The following TIPARP variants were observed in gnomAD, a reference collection of about 807,000 sequenced individuals.
TIPARP encodes TCDD inducible poly(ADP-ribose) polymerase.
In TIPARP, 12 loss-of-function variants were observed where a neutral mutation model predicts 56.5. The ratio of observed to expected loss-of-function variants is 0.21; its 90% CI spans 0.14 to 0.34. The LOEUF is 0.34. Among genes scored for constraint, TIPARP ranks in the 10% least tolerant of loss-of-function variants. The pLI, the probability that TIPARP is intolerant of heterozygous loss-of-function variation, is 1.00. For missense variants in TIPARP, 604 were observed against 781.6 expected (o/e 0.77, Z 2.71); for synonymous variants, 296 against 265.7 (o/e 1.11, Z -1.11).
At chr3:156,698,273 A>C (rs1168501793) in intron 4 of TIPARP, among the ~76,000 whole-genome samples, 3 of 152,242 alleles carry the variant, frequency 2.0e-5, no homozygotes, top group Non-Finnish European at 2.9e-5. Context: ...AGCTGTAGCA[A>C]GTTATCCAGA....
intron 3 of TIPARP, 25 bp from the exon 4 acceptor site, chr3:156,695,840 T>TTTTTTTTTTTTTTTTTTTC: frequency 1.5e-6 from 2 of 1,368,806 alleles, no homozygotes; most frequent in Non-Finnish European, 9.5e-7. Context: ...TTTTTTTTTT[T>TTTTTTTTTTTTTTTTTTTC]TTTGTTCTGT....
At chr3:156,693,117 A>G (rs1348033495) in intron 2 of TIPARP, among the ~76,000 whole-genome samples, 1 of 152,174 alleles carries the variant, frequency 6.6e-6, no homozygotes, top group Admixed American at 6.5e-5. Flanking sequence ...GTTATCATAT[A>G]TTTAATTTTT....
At chr3:156,687,151 GA>G (rs1272306974) in intron 2 of TIPARP, among the ~76,000 whole-genome samples, 7 of 152,136 alleles carry the variant, frequency 4.6e-5, no homozygotes, top group Non-Finnish European at 7.4e-5. Flanking sequence ...TGTTCTTACA[GA>G]AATTAAGTTT....
At chr3:156,691,741 ATAATT>A (rs1722581571) in intron 2 of TIPARP, among the ~76,000 whole-genome samples, 5 of 152,202 alleles carry the variant, frequency 3.3e-5, no homozygotes, top group Admixed American at 3.3e-4. Context: ...TTACAAAAAG[ATAATT>A]TAATGTTTTT....
chr3:156,697,404 A>T (rs1722741412), intron 4 of TIPARP, among the ~76,000 whole-genome samples: 1 of 142,000 alleles, frequency 7.0e-6, no homozygotes, highest in Non-Finnish European at 1.5e-5. Context: ...CATGATAAGT[A>T]ATTATGGAAT....
rs181295377 is a variant in TIPARP, at chr3:156,705,056, C to G, written c.1899C>G (p.Val633=). The G allele has an allele frequency of 5.6e-6, 9 of 1,613,962 alleles. No individual in the cohort carries two copies. In the East Asian group the frequency reaches 2.0e-4, roughly 36 times the overall value. The part of the protein sequence containing the change: ...VDNFFEPQIF[V]IFNDDQSYPY... ...ATTTCTTTGAGCCTCAGATTTTTGT[C>G]ATTTTTAATGATGACCAGAGTTACC... The change falls in exon 6 of 6, where the codon GTC becomes GTG. Residue 633 remains valine, a synonymous_variant. Transcript: ENST00000295924.
intron 2 of TIPARP, among the ~76,000 whole-genome samples, chr3:156,684,034 T>A (rs1467760826): frequency 6.6e-6 from 1 of 152,240 alleles, no homozygotes; most frequent in Non-Finnish European, 1.5e-5. Flanking sequence ...GAGTTGCAAT[T>A]GTCTTTTTGT....
Position 156,688,481 on chromosome 3 carries a change from CG to C in TIPARP, c.918-5538del, listed in dbSNP as rs1288099087. Among the ~76,000 whole-genome samples the C allele has an allele frequency of 3.4e-3, 316 of 91,662 alleles. 3 individuals are homozygous for C. The highest frequency in any genetic ancestry group is 0.011 in the Middle Eastern group (2 of 182). 60.1% of individuals were successfully genotyped at this position (91,662 alleles called of 152,430 possible). On this transcript the variant is annotated intron_variant, in intron 2 of 5. Transcript: ENST00000295924. ...AGCATTTATGAATAAGTTTTATTGC[CG>C]CCCCCCCCCGCAATAAGTAGCCCTG...
chr3:156,687,690 G>C (rs1009276984), intron 2 of TIPARP, among the ~76,000 whole-genome samples: 2 of 152,122 alleles, frequency 1.3e-5, no homozygotes, highest in Non-Finnish European at 2.9e-5. Flanking sequence ...CAATTAAAAA[G>C]CTTAAAAACA....
At chr3:156,676,729 G>A (rs987913897) in intron 1 of TIPARP, 6 of 152,100 alleles carry the variant, frequency 3.9e-5, no homozygotes, top group African/African-American at 1.2e-4. Flanking sequence ...TTTTCAAGGG[G>A]TCTGATTCTT....
rs1215852877 is a variant in TIPARP at position 156,677,985 on chromosome 3, C to T, written c.288C>T (p.Ile96=). 1.9e-6 allele frequency: 3 copies of T among 1,613,968 alleles called. No individual in the cohort carries two copies. The highest frequency in any genetic ancestry group is 2.5e-6 in the Non-Finnish European group (3 of 1,180,034). ...CTATGATGAAGAAAGCCATGGAAAT[C>T]AATTCATCATGCCCACCAGCAGAAA... ...HEPMMKKAME[I]NSSCPPAENN... The change falls in exon 2 of 6, where the codon ATC becomes ATT. Residue 96 remains isoleucine, a synonymous_variant. Coordinates refer to ENST00000295924, the MANE Select transcript of TIPARP (RefSeq NM_015508.5).
In TIPARP at chr3:156,699,439, C is replaced by T. The variant is rs181335955; in HGVS notation, c.1247+3414C>T. 4.6e-5 allele frequency among the ~76,000 whole-genome samples: 7 copies of T among 152,324 alleles called. No homozygotes were observed. The East Asian group carries it at 1.3e-3, about 29-fold the overall frequency. On this transcript the variant is annotated intron_variant, in intron 4 of 5. Transcript: ENST00000295924. ...GTCAGGCCATCATCAAGGCAAAACC[C>T]TCCCACCAGTAAAATTACTATGACT...
intron 4 of TIPARP, among the ~76,000 whole-genome samples, chr3:156,702,855 G>T (rs1270387112): frequency 1.3e-5 from 2 of 152,116 alleles, no homozygotes; most frequent in African/African-American, 4.8e-5. Context: ...GAATAGTATT[G>T]GTGGTTTTGT....
rs1722978508 is a variant in TIPARP, at chr3:156,706,161, C to T, written c.*1030C>T. The T allele has an allele frequency of 6.6e-6, 1 of 152,632 alleles. No individual in the cohort carries two copies. Among genetic ancestry groups the T allele is most frequent in the Non-Finnish European group, 1.5e-5 (1 of 68,028 alleles). The allele number at this position is 152,632 out of a possible 1,614,324, so 9.5% of individuals were successfully genotyped here. Reference sequence around the variant, plus strand: ...GTTCCCTGGCTGACTCTGTACCTTACTTACACTACTTACTTAATAGAAACA... The same window carrying T: ...GTTCCCTGGCTGACTCTGTACCTTATTTACACTACTTACTTAATAGAAACA... On this transcript the variant is annotated 3_prime_UTR_variant, in exon 6 of 6. Coordinates refer to ENST00000295924, the MANE Select transcript of TIPARP (RefSeq NM_015508.5).
intron 4 of TIPARP, among the ~76,000 whole-genome samples, chr3:156,697,654 T>C (rs1454695539): frequency 6.6e-6 from 1 of 152,196 alleles, no homozygotes; most frequent in Non-Finnish European, 1.5e-5. Context: ...TTCAACAGCA[T>C]GCGCTCATTT....
rs1722963091 is a variant in TIPARP at position 156,705,732 on chromosome 3, A to AG, written c.*602dup. On this transcript the variant is annotated 3_prime_UTR_variant, in exon 6 of 6. Transcript: ENST00000295924. Reference sequence around the variant, plus strand: ...TTCTGCAGAGTTTGCCCCAGAATTCAGAGTTCTATTTAGAGGAAGTTAAAA... The same window carrying AG: ...TTCTGCAGAGTTTGCCCCAGAATTCAGGAGTTCTATTTAGAGGAAGTTAAAA... 3 of 152,684 alleles carry AG rather than the reference A, an allele frequency of 2.0e-5. No individual in the cohort carries two copies. The highest frequency in any genetic ancestry group is 4.4e-5 in the Non-Finnish European group (3 of 68,046). The allele number at this position is 152,684 out of a possible 1,614,324, so 9.5% of individuals were successfully genotyped here.
At chr3:156,678,980 C>T (rs534558359) in intron 2 of TIPARP, among the ~76,000 whole-genome samples, 1 of 152,254 alleles carries the variant, frequency 6.6e-6, no homozygotes, top group East Asian at 1.9e-4. Flanking sequence ...CCTAATTTAT[C>T]TAATTTTAAA....
chr3:156,691,412 A>C (rs1039216240), intron 2 of TIPARP, among the ~76,000 whole-genome samples: 2 of 152,176 alleles, frequency 1.3e-5, no homozygotes, highest in African/African-American at 4.8e-5. Context: ...TTAGATAGGC[A>C]GATGTACTGC....
intron 2 of TIPARP, among the ~76,000 whole-genome samples, chr3:156,684,754 A>G (rs1051630882): frequency 2.0e-5 from 3 of 152,308 alleles, no homozygotes; most frequent in South Asian, 2.1e-4. Context: ...TTCTTTAACA[A>G]AACTAAATAG....
Sources: gnomAD v4.1 joint callset for allele counts (sites outside exome capture counted in the v4.1 genomes callset) on GRCh38, gnomAD v4.1.1 for gene constraint, MANE v1.5 for transcripts, NCBI Gene and HGNC (gene_info 2026-07-23, HGNC 2026-07-21) for gene names.